Variants in CNDP2 observed in about 807,000 individuals in gnomAD.
The protein encoded by CNDP2 is carnosine dipeptidase 2, also known as cytosolic non-specific dipeptidase.
A neutral mutation model predicts 55.0 loss-of-function variants in CNDP2; 38 were observed. The ratio of observed to expected loss-of-function variants is 0.69; its 90% CI spans 0.53 to 0.90. The LOEUF (loss-of-function observed/expected upper bound fraction) is 0.90, where lower values mean the gene tolerates loss of function less well. CNDP2 is among the 40% of genes least tolerant of loss of function. CNDP2 has a pLI of 0.00. For missense variants in CNDP2, 607 were observed against 621.7 expected (o/e 0.98, Z 0.25); for synonymous variants, 241 against 260.2 (o/e 0.93, Z 0.71).
chr18:74,518,871 A>C, intron 10 of CNDP2, 78 bp from the exon 11 acceptor site: 1 of 1,587,392 alleles, frequency 6.3e-7, no homozygotes, highest in East Asian at 2.2e-5. Context: ...ACTGAGTGCT[A>C]CTGAGTAGTG....
In CNDP2 at chr18:74,513,776, C is replaced by A; in HGVS notation, c.903+57C>A. The A allele has an allele frequency of 1.9e-6, 3 of 1,556,660 alleles. No homozygotes were observed. The Admixed American group carries it at 5.4e-5, about 28-fold the overall frequency. On this transcript the variant is annotated intron_variant, in intron 8 of 11. Transcript: ENST00000324262. ...CCAGGCCACGCTGTGACACAGGTGT[C>A]CCCCAGGCCCTGTCACCTTCCCTGG...
Position 74,501,340 on chromosome 18 carries a change from A to G in CNDP2, c.72A>G (p.Lys24=), listed in dbSNP as rs1358024866. The change falls in exon 3 of 12, where the codon AAA becomes AAG. Residue 24 remains lysine, a synonymous_variant. Coordinates refer to ENST00000324262, the MANE Select transcript of CNDP2 (RefSeq NM_018235.3). ...NQDRYIKKLA[K]WVAIQSVSAW... Reference sequence around the variant, plus strand: ...TTGTCCACAAACAGAAACTCGCAAAATGGGTGGCTATCCAGAGTGTGTCTG... The same window carrying G: ...TTGTCCACAAACAGAAACTCGCAAAGTGGGTGGCTATCCAGAGTGTGTCTG... The G allele has an allele frequency of 1.9e-6, 3 of 1,612,600 alleles. No individual in the cohort carries two copies. Among genetic ancestry groups the G allele is most frequent in the Non-Finnish European group, 2.5e-6 (3 of 1,179,500 alleles).
At position 74,511,733 on chromosome 18, in the gene CNDP2, G is replaced by A. The variant is rs185150276; in HGVS notation, c.658-715G>A. Among the ~76,000 whole-genome samples, 435 of 151,978 alleles carry A rather than the reference G, an allele frequency of 2.9e-3. 1 individual carries two copies. Among genetic ancestry groups the A allele is most frequent in the Non-Finnish European group, 5.2e-3 (356 of 67,926 alleles). On this transcript the variant is annotated intron_variant, in intron 6 of 11. Coordinates refer to ENST00000324262, the MANE Select transcript of CNDP2 (RefSeq NM_018235.3). ...AAAAAAAAAAAAAAAGAGAAACCGA[G>A]GCAGCACCAAGAGTGGGAAGGGACA...
chr18:74,500,110 A>T, intron 2 of CNDP2, 77 bp downstream of exon 2: 1 of 1,200,980 alleles, frequency 8.3e-7, no homozygotes, highest in Middle Eastern at 1.9e-4. Context: ...TCAAGAGCTA[A>T]TATGAATTAT....
Position 74,510,615 on chromosome 18 carries a change from G to A in CNDP2, c.457-198G>A, listed in dbSNP as rs140159429. Among the ~76,000 whole-genome samples the A allele has an allele frequency of 1.6e-4, 25 of 152,326 alleles. No individual in the cohort carries two copies. In the East Asian group the frequency reaches 4.6e-3, roughly 28 times the overall value. ...GTGACTCCAGAGAGCCCCACCTTGCGAGACTGGACCAGTCCAAGTGGCCTG... is the reference window on the plus strand; with the variant it reads ...GTGACTCCAGAGAGCCCCACCTTGCAAGACTGGACCAGTCCAAGTGGCCTG... On this transcript the variant is annotated intron_variant, in intron 5 of 11. Transcript: ENST00000324262.
chr18:74,500,000 G>T lies in CNDP2; in HGVS notation c.27G>T (p.Lys9Asn). The change falls in exon 2 of 12, where the codon AAG becomes AAT. Residue 9 changes from lysine to asparagine, a missense_variant. Coordinates refer to ENST00000324262, the MANE Select transcript of CNDP2 (RefSeq NM_018235.3). ...TGGCGGCCCTCACTACCCTGTTTAA[G>T]TACATAGATGAAAATCAGGATCGCT... MAALTTLF[K>N]YIDENQDRYI... The T allele has an allele frequency of 6.2e-7, 1 of 1,614,104 alleles. No individual in the cohort carries two copies. The highest frequency in any genetic ancestry group is 8.5e-7 in the Non-Finnish European group (1 of 1,180,020).
At chr18:74,503,919 C>G (rs1196346862) in intron 3 of CNDP2, among the ~76,000 whole-genome samples, 2 of 137,938 alleles carry the variant, frequency 1.4e-5, no homozygotes. Flanking sequence ...CGCAGCCACA[C>G]TGCCGCTGGG....
At position 74,520,194 on chromosome 18, in the gene CNDP2, T is replaced by C. The variant is rs1298546571; in HGVS notation, c.*126T>C. On this transcript the variant is annotated 3_prime_UTR_variant, in exon 12 of 12. Transcript: ENST00000324262. Reference sequence around the variant, plus strand: ...CCTCTTGTCAGGTCATCCATGACTTTAGAGAACAGACACAAGTGTATCCAG... The same window carrying C: ...CCTCTTGTCAGGTCATCCATGACTTCAGAGAACAGACACAAGTGTATCCAG... 6 of 857,552 alleles carry C rather than the reference T, an allele frequency of 7.0e-6. No homozygotes were observed. In the East Asian group the frequency reaches 1.6e-4, roughly 23 times the overall value. The allele number at this position is 857,552 out of a possible 1,614,324, so 53.1% of individuals were successfully genotyped here.
intron 2 of CNDP2, 53 bp downstream of exon 2, chr18:74,500,086 GC>G: frequency 6.7e-7 from 1 of 1,490,714 alleles, no homozygotes; most frequent in Non-Finnish European, 9.3e-7. Context: ...ATCCCATGGG[GC>G]CCAGAGAAGT....
At position 74,500,023 on chromosome 18, in the gene CNDP2, G is replaced by A. The variant is rs1352458092; in HGVS notation, c.50G>A (p.Arg17His). 9 of 1,613,558 alleles carry A rather than the reference G, an allele frequency of 5.6e-6. No homozygotes were observed. The highest frequency in any genetic ancestry group is 1.6e-4 in the Middle Eastern group (1 of 6,082). Residue 17 changes from arginine to histidine, a missense_variant, in exon 2 of 12, where the codon CGC becomes CAC. Arg to His is a conservative substitution (Grantham distance 29). Coordinates refer to ENST00000324262, the MANE Select transcript of CNDP2 (RefSeq NM_018235.3). ...LFKYIDENQD[R>H]YIKKLAKWVA... ...AAGTACATAGATGAAAATCAGGATC[G>A]CTACATTAAGGTAAGGGAATATTCA...
chr18:74,518,707 A>G (rs1254690815), intron 10 of CNDP2, 67 bp downstream of exon 10: 5 of 1,601,084 alleles, frequency 3.1e-6, no homozygotes, highest in South Asian at 1.1e-5. Flanking sequence ...ACTCTGCTAT[A>G]TCGCGTGGGC....
chr18:74,505,821 C>G, intron 3 of CNDP2, 28 bp from the exon 4 acceptor site: 1 of 1,612,650 alleles, frequency 6.2e-7, no homozygotes, highest in Non-Finnish European at 8.5e-7. Flanking sequence ...CAAAGGCTGT[C>G]CTTGGTTCCT....
At chr18:74,510,747 G>T in intron 5 of CNDP2, 66 bp from the exon 6 acceptor site, 1 of 1,354,944 alleles carries the variant, frequency 7.4e-7, no homozygotes, top group South Asian at 1.3e-5. Context: ...ATGTAATCCT[G>T]AGTGTGGCTT....
intron 5 of CNDP2, chr18:74,509,499 T>G (rs933260312): frequency 6.6e-6 from 1 of 152,232 alleles, no homozygotes; most frequent in African/African-American, 2.4e-5. Flanking sequence ...CCGGGCATGG[T>G]GGTGGGCACC....
chr18:74,513,425 C>T, intron 7 of CNDP2, 134 bp from the exon 8 acceptor site: 10 of 918,332 alleles, frequency 1.1e-5, no homozygotes, highest in South Asian at 1.8e-5. Flanking sequence ...CTCTTGGCCC[C>T]TCCTCAGCCA....
chr18:74,511,096 A>C, intron 6 of CNDP2, 83 bp downstream of exon 6: 1 of 1,195,980 alleles, frequency 8.4e-7, no homozygotes, highest in Non-Finnish European at 1.2e-6. Flanking sequence ...ACAAGGACCC[A>C]GAAGTCAGGT....
chr18:74,518,230 C>T (rs1599073389), intron 9 of CNDP2: 1 of 261,172 alleles, frequency 3.8e-6, no homozygotes, highest in Non-Finnish European at 7.5e-6. Context: ...CCACTGTGCT[C>T]CAGCCTGGAC....
At chr18:74,510,038 C>T (rs538394037) in intron 5 of CNDP2, among the ~76,000 whole-genome samples, 6 of 152,192 alleles carry the variant, frequency 3.9e-5, no homozygotes, top group African/African-American at 1.4e-4. Context: ...CCGTGGAGCC[C>T]TCAGCCTCAG....
At chr18:74,519,320 C>T (rs764150523) in intron 11 of CNDP2, among the ~76,000 whole-genome samples, 6 of 152,228 alleles carry the variant, frequency 3.9e-5, no homozygotes, top group Non-Finnish European at 8.8e-5. Context: ...TTTATCTCTG[C>T]ACTTCATCTA....
Sources: allele counts gnomAD v4.1 joint callset (sites outside exome capture counted in the v4.1 genomes callset), GRCh38; gene constraint gnomAD v4.1.1; transcripts MANE v1.5; gene names NCBI Gene and HGNC (gene_info 2026-07-23, HGNC 2026-07-21).